The following GNAL variants were observed in gnomAD, a reference collection of about 807,000 sequenced individuals.
GNAL encodes guanine nucleotide-binding protein G(olf) subunit alpha.
A neutral mutation model predicts 55.1 loss-of-function variants in GNAL; 18 were observed. The observed-to-expected ratio is 0.33, with a 90% CI of 0.23 to 0.48. The LOEUF is 0.48. Among genes scored for constraint, GNAL ranks in the 20% least tolerant of loss-of-function variants. GNAL has a pLI of 0.99. For synonymous variants in GNAL, 253 were observed against 237.0 expected (o/e 1.07, Z -0.62); for missense variants, 412 against 614.1 (o/e 0.67, Z 3.48).
intron 1 of GNAL, among the ~76,000 whole-genome samples, chr18:11,716,995 G>A (rs1259107767): frequency 6.6e-6 from 1 of 152,232 alleles, no homozygotes; most frequent in Non-Finnish European, 1.5e-5. Context: ...CCTGGAGCAG[G>A]GGGCGGCGCT....
chr18:11,747,417 T>C (rs1007093374), intron 1 of GNAL: 1 of 174,604 alleles, frequency 5.7e-6, no homozygotes, highest in South Asian at 1.4e-4. Flanking sequence ...CCCTTCAATA[T>C]CCTAAAGCCA....
intron 11 of GNAL, among the ~76,000 whole-genome samples, chr18:11,880,234 G>C (rs1320506383): frequency 6.6e-6 from 1 of 150,812 alleles, no homozygotes; most frequent in African/African-American, 2.4e-5. Context: ...TCCAGCCTGG[G>C]GGACACAGCG....
intron 5 of GNAL, among the ~76,000 whole-genome samples, chr18:11,844,798 A>AATTTGT (rs2035695438): frequency 6.6e-6 from 1 of 152,226 alleles, no homozygotes; most frequent in Non-Finnish European, 1.5e-5. Context: ...TTTAATGTGC[A>AATTTGT]ACAAAATTAA....
intron 1 of GNAL, among the ~76,000 whole-genome samples, chr18:11,703,178 C>T (rs554875031): frequency 2.0e-5 from 3 of 152,326 alleles, no homozygotes; most frequent in African/African-American, 7.2e-5. Context: ...TTCTTAAAAT[C>T]GACAAGTTTG....
At chr18:11,791,690 T>A (rs1393808786) in intron 4 of GNAL, among the ~76,000 whole-genome samples, 1 of 152,220 alleles carries the variant, frequency 6.6e-6, no homozygotes, top group East Asian at 1.9e-4. Context: ...AGCTTATAGG[T>A]GCAATCATCT....
chr18:11,847,632 ATTTC>A (rs960378795), intron 5 of GNAL, among the ~76,000 whole-genome samples: 1 of 152,058 alleles, frequency 6.6e-6, no homozygotes, highest in Admixed American at 6.6e-5. Context: ...TTAATCAAAA[ATTTC>A]TTTTTTTTTC....
chr18:11,691,869 T>G (rs908146482), intron 1 of GNAL, among the ~76,000 whole-genome samples: 1 of 152,176 alleles, frequency 6.6e-6, no homozygotes, highest in African/African-American at 2.4e-5. Context: ...TGTAACTGCG[T>G]GCAGGAGGGT....
At chr18:11,754,991 A>AGTGT (rs1170620927) in intron 4 of GNAL, among the ~76,000 whole-genome samples, 3 of 112,794 alleles carry the variant, frequency 2.7e-5, no homozygotes, top group African/African-American at 7.0e-5. Context: ...ACCAGAAGTG[A>AGTGT]GTGTGTATGT....
chr18:11,813,268 A>G (rs1180176427), intron 4 of GNAL, among the ~76,000 whole-genome samples: 3 of 152,050 alleles, frequency 2.0e-5, no homozygotes, highest in South Asian at 2.1e-4. Flanking sequence ...AAAAAGAAAA[A>G]AAGACATAAG....
Position 11,805,006 on chromosome 18 carries a change from A to G in GNAL, c.625-19912A>G, listed in dbSNP as rs112991421. Among the ~76,000 whole-genome samples the G allele has an allele frequency of 3.4e-3, 351 of 103,522 alleles. No homozygotes were observed. The Middle Eastern group carries it at 0.06, about 18-fold the overall frequency. The allele number at this position is 103,522 out of a possible 152,430, so 67.9% of individuals were successfully genotyped here. ...GATACTGTGTAGTGGTGAAGTACAG[A>G]TGCAGTTTGAATGGAACATGGAGAT... On this transcript the variant is annotated intron_variant, in intron 4 of 11. Transcript: ENST00000334049.
chr18:11,805,651 C>T (rs919446733), intron 4 of GNAL, among the ~76,000 whole-genome samples: 4 of 152,086 alleles, frequency 2.6e-5, no homozygotes, highest in African/African-American at 9.7e-5. Context: ...AGATAGTGAC[C>T]TCCAGTTCCC....
At chr18:11,737,874 G>A (rs560388270) in intron 1 of GNAL, among the ~76,000 whole-genome samples, 3 of 152,306 alleles carry the variant, frequency 2.0e-5, no homozygotes, top group South Asian at 2.1e-4. Context: ...ATGGGGGAAC[G>A]GGGGAAGGAC....
chr18:11,751,583 G>A lies in GNAL; in HGVS notation c.377-1270G>A. ...GCGAGTCTTCGCCCGCCAGGAGCAG[G>A]GACGCGTCCGAGCCAACACGGGGCG... On this transcript the variant is annotated intron_variant, in intron 1 of 11. Coordinates refer to ENST00000334049, the MANE Select transcript of GNAL (RefSeq NM_182978.4). This position sits in a 1 kb window ranked among gnomAD's most constrained non-coding sequence, Gnocchi z 4.5. 1.0e-6 allele frequency: 1 copy of A among 985,490 alleles called. No individual in the cohort carries two copies. Among genetic ancestry groups the A allele is most frequent in the Non-Finnish European group, 1.2e-6 (1 of 829,978 alleles). 61.0% of individuals were successfully genotyped at this position (985,490 alleles called of 1,614,324 possible). A position where few individuals can be genotyped will look rare whatever the true frequency, so the allele number is the denominator to read the frequency against.
At chr18:11,722,056 A>C (rs1225496946) in intron 1 of GNAL, among the ~76,000 whole-genome samples, 1 of 152,232 alleles carries the variant, frequency 6.6e-6, no homozygotes, top group African/African-American at 2.4e-5. Context: ...ATCGGTGTTA[A>C]CATCACTAGC....
intron 1 of GNAL, among the ~76,000 whole-genome samples, chr18:11,743,598 T>G (rs547677681): frequency 5.3e-5 from 8 of 152,212 alleles, no homozygotes; most frequent in Non-Finnish European, 1.0e-4. Flanking sequence ...CATCTGATGT[T>G]TGTTAATTGG....
intron 4 of GNAL, among the ~76,000 whole-genome samples, chr18:11,786,126 T>C (rs2034049726): frequency 6.6e-6 from 1 of 152,172 alleles, no homozygotes; most frequent in Non-Finnish European, 1.5e-5. Context: ...TTTCAGCTTA[T>C]AATTCAGTGC....
intron 4 of GNAL, among the ~76,000 whole-genome samples, chr18:11,774,840 G>A (rs180784807): frequency 6.6e-6 from 1 of 152,268 alleles, no homozygotes; most frequent in East Asian, 1.9e-4. Flanking sequence ...TTTGATTTTT[G>A]TTTGCAGAGT....
chr18:11,755,046 AAC>A (rs1373123816), intron 4 of GNAL, among the ~76,000 whole-genome samples: 9 of 151,678 alleles, frequency 5.9e-5, no homozygotes, highest in African/African-American at 1.9e-4. Flanking sequence ...ATTCATCAAT[AAC>A]AGTCTTTCAA....
chr18:11,851,436 G>T (rs1045230288), intron 5 of GNAL: 1 of 1,443,734 alleles, frequency 6.9e-7, no homozygotes, highest in Non-Finnish European at 9.1e-7. Flanking sequence ...CGGCGGCCGG[G>T]AGCGGACTTA....
Sources: gnomAD v4.1 joint callset for allele counts (sites outside exome capture counted in the v4.1 genomes callset) on GRCh38, gnomAD v4.1.1 for gene constraint, Gnocchi (gnomAD v3.1) non-coding constraint, MANE v1.5 for transcripts, NCBI Gene and HGNC (gene_info 2026-07-23, HGNC 2026-07-21) for gene names.